PPM1H: variants seen among roughly 807,000 people sequenced by gnomAD.
The protein encoded by PPM1H is protein phosphatase, Mg2+/Mn2+ dependent 1H, also known as protein phosphatase 1H.
Under a neutral mutation model 54.9 loss-of-function variants are expected in PPM1H, and 27 were observed. The ratio of observed to expected loss-of-function variants is 0.49; its 90% CI spans 0.36 to 0.68. PPM1H has a LOEUF of 0.68. Ranked by LOEUF, PPM1H falls within the 30% of genes least tolerant of loss-of-function variation. The pLI is 0.00. For missense variants in PPM1H, 596 were observed against 667.8 expected (o/e 0.89, Z 1.19); for synonymous variants, 305 against 270.8 (o/e 1.13, Z -1.24).
intron 9 of PPM1H, among the ~76,000 whole-genome samples, chr12:62,656,471 T>G (rs17676109): frequency 0.038 from 5,764 of 152,326 alleles, 151 homozygotes; most frequent in Non-Finnish European, 0.054. Context: ...CTACGTCTTA[T>G]AGTCTGTTTT....
chr12:62,815,132 T>C (rs1181670900), intron 2 of PPM1H, among the ~76,000 whole-genome samples: 1 of 152,176 alleles, frequency 6.6e-6, no homozygotes, highest in Non-Finnish European at 1.5e-5. Flanking sequence ...TCACGTTCTA[T>C]TGCTGTCCAC....
At chr12:62,876,261 G>T (rs1870164907) in intron 1 of PPM1H, among the ~76,000 whole-genome samples, 1 of 152,206 alleles carries the variant, frequency 6.6e-6, no homozygotes, top group South Asian at 2.1e-4. Flanking sequence ...TAAACTATCA[G>T]AAAGACAAAA....
At chr12:62,663,298 A>C (rs1262531258) in intron 9 of PPM1H, among the ~76,000 whole-genome samples, 1 of 151,914 alleles carries the variant, frequency 6.6e-6, no homozygotes, top group African/African-American at 2.4e-5. Context: ...TGGAGTTTTT[A>C]TTTCAGGTGG....
intron 6 of PPM1H, among the ~76,000 whole-genome samples, chr12:62,694,367 G>C (rs1446028447): frequency 6.6e-6 from 1 of 152,180 alleles, no homozygotes; most frequent in African/African-American, 2.4e-5. Flanking sequence ...AATGGAGTGT[G>C]AAACTGCTTC....
At chr12:62,903,494 G>C (rs892918007) in intron 1 of PPM1H, among the ~76,000 whole-genome samples, 1 of 152,172 alleles carries the variant, frequency 6.6e-6, no homozygotes, top group African/African-American at 2.4e-5. Flanking sequence ...TAACAATGAT[G>C]AATAAAATTA....
intron 1 of PPM1H, among the ~76,000 whole-genome samples, chr12:62,842,062 T>C (rs925692444): frequency 6.6e-6 from 1 of 152,170 alleles, no homozygotes. Flanking sequence ...GCTGGAACAA[T>C]TCCCGTAGAA....
chr12:62,907,566 C>G (rs1043935757), intron 1 of PPM1H, among the ~76,000 whole-genome samples: 1 of 152,180 alleles, frequency 6.6e-6, no homozygotes, highest in African/African-American at 2.4e-5. Flanking sequence ...AACTCTGAAA[C>G]TCAGTTCCCA....
chr12:62,711,084 T>C (rs13313182), intron 6 of PPM1H, among the ~76,000 whole-genome samples: 19,589 of 152,206 alleles, frequency 0.13, 1,444 homozygotes, highest in African/African-American at 0.19. Flanking sequence ...CTTGACTTCC[T>C]GGGCTCAAGT....
chr12:62,688,147 T>C (rs1315386404), intron 8 of PPM1H, among the ~76,000 whole-genome samples: 1 of 152,222 alleles, frequency 6.6e-6, no homozygotes, highest in Non-Finnish European at 1.5e-5. Flanking sequence ...CAAACTCCCT[T>C]GCAGCTAGAA....
At chr12:62,787,365 C>T (rs1483543724) in intron 4 of PPM1H, among the ~76,000 whole-genome samples, 7 of 152,120 alleles carry the variant, frequency 4.6e-5, no homozygotes, top group Non-Finnish European at 2.9e-5. Flanking sequence ...TTACTACTTT[C>T]GGAATAAAGA....
At position 62,832,242 on chromosome 12, in the gene PPM1H, G is replaced by C; in HGVS notation, c.283C>G (p.Gln95Glu). The change falls in exon 2 of 10, where the codon CAA becomes GAA. Residue 95 changes from glutamine (Q) to glutamate (E), a missense_variant. By Grantham distance (29) the Gln-to-Glu change is conservative. Around this residue, in one of 3 missense-constraint regions of PPM1H, gnomAD observed 382 missense variants for 387.1 expected, o/e 0.99. Coordinates refer to ENST00000228705, the MANE Select transcript of PPM1H (RefSeq NM_020700.2). ...ACAGTGAGCACCTCACAGCTGGCTT[G>C]GTCTTCATTGTGTGTGCTCTTCCCG... ...NAGKSTHNED[Q>E]ASCEVLTVKK... 6.2e-7 allele frequency: 1 copy of C among 1,613,248 alleles called. No homozygotes were observed. The highest frequency in any genetic ancestry group is 8.5e-7 in the Non-Finnish European group (1 of 1,179,618).
intron 4 of PPM1H, among the ~76,000 whole-genome samples, chr12:62,759,451 T>C (rs2076493922): frequency 1.3e-5 from 2 of 152,244 alleles, no homozygotes; most frequent in African/African-American, 4.8e-5. Context: ...CTCCCTTCTC[T>C]TAAGTTCAAT....
At chr12:62,860,582 G>T (rs1305174617) in intron 1 of PPM1H, among the ~76,000 whole-genome samples, 1 of 152,112 alleles carries the variant, frequency 6.6e-6, no homozygotes, top group Non-Finnish European at 1.5e-5. Context: ...TGAAGAAAAT[G>T]AACTGTAGAA....
intron 1 of PPM1H, among the ~76,000 whole-genome samples, chr12:62,907,959 T>C (rs1871349049): frequency 1.3e-5 from 2 of 152,182 alleles, no homozygotes; most frequent in Admixed American, 1.3e-4. Context: ...GCAACATCAA[T>C]TAAGATAATT....
At chr12:62,833,666 G>A (rs891909535) in intron 1 of PPM1H, among the ~76,000 whole-genome samples, 1 of 152,190 alleles carries the variant, frequency 6.6e-6, no homozygotes, top group Non-Finnish European at 1.5e-5. Context: ...GCCGCAAGAT[G>A]TAAGCGAGCG....
intron 1 of PPM1H, among the ~76,000 whole-genome samples, chr12:62,927,349 G>A (rs1872000424): frequency 1.3e-5 from 2 of 152,134 alleles, no homozygotes; most frequent in Non-Finnish European, 2.9e-5. Flanking sequence ...GGAATATTAG[G>A]CAGTCGACAT....
At chr12:62,750,253 C>A (rs1393683633) in intron 4 of PPM1H, among the ~76,000 whole-genome samples, 1 of 152,176 alleles carries the variant, frequency 6.6e-6, no homozygotes, top group Non-Finnish European at 1.5e-5. Context: ...ACTCCCTATA[C>A]CCTGTACTTT....
intron 6 of PPM1H, among the ~76,000 whole-genome samples, chr12:62,708,904 G>A (rs1407417515): frequency 2.0e-5 from 3 of 151,940 alleles, no homozygotes; most frequent in African/African-American, 7.3e-5. Flanking sequence ...TATATGTCCT[G>A]GATATACATA....
chr12:62,775,137 T>C (rs1157710367), intron 4 of PPM1H, among the ~76,000 whole-genome samples: 1 of 152,182 alleles, frequency 6.6e-6, no homozygotes, highest in African/African-American at 2.4e-5. Flanking sequence ...GACGGGAGGA[T>C]GGATAGATAC....
Sources: allele counts gnomAD v4.1 joint callset (sites outside exome capture counted in the v4.1 genomes callset), GRCh38; gene constraint gnomAD v4.1.1; regional missense constraint gnomAD v4.1.1; transcripts MANE v1.5; gene names NCBI Gene and HGNC (gene_info 2026-07-23, HGNC 2026-07-21).